Variants in TRPM3 observed in about 807,000 individuals in gnomAD.
TRPM3 encodes the protein transient receptor potential cation channel subfamily M member 3.
In TRPM3, 77 loss-of-function variants were observed where a neutral mutation model predicts 181.2. That is an observed-to-expected ratio of 0.42 (90% CI 0.35 to 0.51). The LOEUF (loss-of-function observed/expected upper bound fraction) is 0.51. Ranked by LOEUF, TRPM3 falls within the 20% of genes least tolerant of loss-of-function variation. The pLI is 0.01. For synonymous variants in TRPM3, 745 were observed against 796.4 expected (o/e 0.94, Z 1.09); for missense variants, 1,759 against 2,196.7 (o/e 0.80, Z 3.98).
upstream of TRPM3, among the ~76,000 whole-genome samples, chr9:71,122,348 G>A (rs1381244394): frequency 6.6e-6 from 1 of 152,160 alleles, no homozygotes; most frequent in Non-Finnish European, 1.5e-5. Context: ...TCAATTTGAA[G>A]GTAGAAATTG....
At chr9:71,389,189 T>C (rs2092999395) in intron 1 of TRPM3, among the ~76,000 whole-genome samples, 1 of 151,622 alleles carries the variant, frequency 6.6e-6, no homozygotes, top group Non-Finnish European at 1.5e-5. Context: ...TAGACAATTC[T>C]CAAAAGAAGA....
intron 1 of TRPM3, among the ~76,000 whole-genome samples, chr9:71,253,317 G>C (rs1048237005): frequency 3.9e-5 from 6 of 152,114 alleles, no homozygotes; most frequent in Admixed American, 3.9e-4. Flanking sequence ...TTATGGCTTA[G>C]GTCAGTAACT....
chr9:71,207,824 T>G (rs1290677082), intron 1 of TRPM3, among the ~76,000 whole-genome samples: 1 of 152,174 alleles, frequency 6.6e-6, no homozygotes. Flanking sequence ...CATAGACAGT[T>G]GCTATATTTC....
intron 1 of TRPM3, among the ~76,000 whole-genome samples, chr9:71,029,058 T>A (rs1029927463): frequency 3.3e-5 from 5 of 152,040 alleles, no homozygotes; most frequent in African/African-American, 1.2e-4. Context: ...ATGTAAAAAA[T>A]TGAAATTATA....
At chr9:70,646,916 T>C (rs1238688041) in intron 9 of TRPM3, among the ~76,000 whole-genome samples, 1 of 147,034 alleles carries the variant, frequency 6.8e-6, no homozygotes, top group African/African-American at 2.5e-5. Context: ...TAGGGACACC[T>C]CTATGCACAA....
intron 1 of TRPM3, among the ~76,000 whole-genome samples, chr9:71,048,365 T>G (rs1440464829): frequency 6.6e-6 from 1 of 151,338 alleles, no homozygotes; most frequent in Admixed American, 6.6e-5. Flanking sequence ...CAGTAACCCC[T>G]CTAATCTACA....
At chr9:71,198,028 C>T (rs1313424466) in intron 1 of TRPM3, among the ~76,000 whole-genome samples, 6 of 150,380 alleles carry the variant, frequency 4.0e-5, no homozygotes, top group Admixed American at 6.7e-5. Context: ...GTCTTTAATC[C>T]ATCTTGAATT....
chr9:70,688,460 A>G (rs1475361707), intron 8 of TRPM3, among the ~76,000 whole-genome samples: 1 of 152,000 alleles, frequency 6.6e-6, no homozygotes, highest in Non-Finnish European at 1.5e-5. Context: ...TTCCCCCACA[A>G]ATCCCCTTAG....
intron 6 of TRPM3, among the ~76,000 whole-genome samples, chr9:70,820,642 C>G (rs1314151251): frequency 6.6e-6 from 1 of 152,178 alleles, no homozygotes. Context: ...GCACATGGCA[C>G]TGAACCGCCA....
chr9:71,290,334 A>T (rs529232719), intron 1 of TRPM3, among the ~76,000 whole-genome samples: 244 of 152,264 alleles, frequency 1.6e-3, no homozygotes, highest in African/African-American at 5.6e-3. Flanking sequence ...AAAGATATTA[A>T]AATTGGCAAA....
At chr9:70,966,644 GA>G in intron 1 of TRPM3, among the ~76,000 whole-genome samples, 1 of 152,240 alleles carries the variant, frequency 6.6e-6, no homozygotes, top group South Asian at 2.1e-4. Context: ...CAAAGGAATA[GA>G]AAACCAAACA....
intron 9 of TRPM3, among the ~76,000 whole-genome samples, chr9:70,648,056 A>G (rs2059131184): frequency 6.6e-6 from 1 of 152,202 alleles, no homozygotes; most frequent in African/African-American, 2.4e-5. Flanking sequence ...AACATAAACA[A>G]ATGGAAAAAC....
rs188018735 is a variant in TRPM3, at chr9:70,695,612, C to T, written c.1273-14034G>A. 3.3e-4 allele frequency among the ~76,000 whole-genome samples: 50 copies of T among 152,342 alleles called. 1 individual carries two copies. The Middle Eastern group carries it at 0.014, about 41-fold the overall frequency. On this transcript the variant is annotated intron_variant, in intron 8 of 25. Transcript: ENST00000677713. Reference sequence around the variant, plus strand: ...TTGCCTGGGTTAGACACCTAGCCTCCGTGCTGCCTCTGAACTATGTGAATA... The same window carrying T: ...TTGCCTGGGTTAGACACCTAGCCTCTGTGCTGCCTCTGAACTATGTGAATA...
chr9:71,179,446 G>T (rs17056425), intron 1 of TRPM3, among the ~76,000 whole-genome samples: 33,493 of 152,034 alleles, frequency 0.22, 4,119 homozygotes, highest in African/African-American at 0.29. Context: ...TCTCATTCTG[G>T]TCTGTGTTTG....
chr9:71,355,172 T>C (rs1031166211), intron 1 of TRPM3, among the ~76,000 whole-genome samples: 1 of 152,188 alleles, frequency 6.6e-6, no homozygotes, highest in African/African-American at 2.4e-5. Flanking sequence ...CTGTTATACA[T>C]TGAATTACAT....
chr9:70,850,703 G>A (rs76208562), intron 3 of TRPM3, among the ~76,000 whole-genome samples: 14,129 of 152,146 alleles, frequency 0.093, 1,012 homozygotes, highest in African/African-American at 0.2. Context: ...TGGGTGTTCT[G>A]CTGAATTGAA....
At chr9:70,783,516 A>C (rs888954789) in intron 7 of TRPM3, among the ~76,000 whole-genome samples, 10 of 152,262 alleles carry the variant, frequency 6.6e-5, no homozygotes, top group African/African-American at 2.4e-4. Flanking sequence ...TGTTGAAAGT[A>C]GCATTAAGAG....
chr9:70,746,047 C>T (rs372949266), intron 8 of TRPM3, among the ~76,000 whole-genome samples: 134 of 152,272 alleles, frequency 8.8e-4, no homozygotes, highest in African/African-American at 3.0e-3. Context: ...ATTCTTTACA[C>T]ATCAGAGTTA....
In TRPM3 at chr9:70,532,173, C is replaced by T. The variant is rs895856213; in HGVS notation, c.*3780G>A. 1.2e-4 allele frequency: 18 copies of T among 152,094 alleles called. No individual in the cohort carries two copies. The highest frequency in any genetic ancestry group is 4.3e-4 in the African/African-American group (18 of 41,400). 9.4% of individuals were successfully genotyped at this position (152,094 alleles called of 1,614,324 possible). A position where few individuals can be genotyped will look rare whatever the true frequency, so the allele number is the denominator to read the frequency against. On this transcript the variant is annotated 3_prime_UTR_variant, in exon 26 of 26. Coordinates refer to ENST00000677713, the MANE Select transcript of TRPM3 (RefSeq NM_001366145.2). Reference sequence around the variant, plus strand: ...TGATGGATGACCGGGTAATATTTATCATCTTTAAAGAAATTAAACAGCCCA... The same window carrying T: ...TGATGGATGACCGGGTAATATTTATTATCTTTAAAGAAATTAAACAGCCCA...
Sources: gnomAD v4.1 joint callset for allele counts (sites outside exome capture counted in the v4.1 genomes callset) on GRCh38, gnomAD v4.1.1 for gene constraint, MANE v1.5 for transcripts, NCBI Gene and HGNC (gene_info 2026-07-23, HGNC 2026-07-21) for gene names.